The following PRKG1 variants were observed in gnomAD, a reference collection of about 807,000 sequenced individuals.
PRKG1 encodes the protein protein kinase cGMP-dependent 1, also known as cGMP-dependent protein kinase 1.
In PRKG1, 35 loss-of-function variants were observed where a neutral mutation model predicts 88.1. The ratio of observed to expected loss-of-function variants is 0.40; its 90% CI spans 0.30 to 0.53. The LOEUF (loss-of-function observed/expected upper bound fraction) is 0.53, where lower values mean the gene tolerates loss of function less well. Ranked by LOEUF, PRKG1 falls within the 20% of genes least tolerant of loss-of-function variation. The pLI, the probability that PRKG1 is intolerant of heterozygous loss-of-function variation, is 0.59. For missense variants in PRKG1, 540 were observed against 839.8 expected (o/e 0.64, Z 4.41); for synonymous variants, 303 against 292.5 (o/e 1.04, Z -0.37).
chr10:51,739,257 G>T (rs554179205), intron 3 of PRKG1, among the ~76,000 whole-genome samples: 7 of 152,066 alleles, frequency 4.6e-5, no homozygotes, highest in African/African-American at 1.7e-4. Flanking sequence ...TGGTAAATAG[G>T]CAGATAATGG....
intron 1 of PRKG1, among the ~76,000 whole-genome samples, chr10:51,080,337 C>G (rs1381533353): frequency 6.6e-6 from 1 of 152,208 alleles, no homozygotes; most frequent in African/African-American, 2.4e-5. Flanking sequence ...CATTTCCAAG[C>G]TCCTGCTACT....
intron 5 of PRKG1, among the ~76,000 whole-genome samples, chr10:51,963,759 A>T (rs1589461780): frequency 6.6e-6 from 1 of 152,136 alleles, no homozygotes; most frequent in East Asian, 1.9e-4. Flanking sequence ...ACTTATTTTT[A>T]AGTTTCCTTG....
At chr10:51,492,715 C>G (rs750091876) in intron 3 of PRKG1, among the ~76,000 whole-genome samples, 1 of 151,986 alleles carries the variant, frequency 6.6e-6, no homozygotes, top group East Asian at 1.9e-4. Context: ...TATCCTTAAA[C>G]GGTTAGCATA....
chr10:52,249,011 T>TCCCTCCCTCC (rs1564531929), intron 9 of PRKG1, among the ~76,000 whole-genome samples: 1 of 5,674 alleles, frequency 1.8e-4, no homozygotes, highest in Non-Finnish European at 4.6e-4. Flanking sequence ...TCCCCCCGCC[T>TCCCTCCCTCC]CCTTCCCTCC....
At chr10:51,763,339 C>G (rs1253872241) in intron 3 of PRKG1, among the ~76,000 whole-genome samples, 1 of 151,966 alleles carries the variant, frequency 6.6e-6, no homozygotes, top group African/African-American at 2.4e-5. Flanking sequence ...TGAAGTGATC[C>G]TCCCACCTCA....
chr10:51,663,588 A>C (rs934276398), intron 3 of PRKG1, among the ~76,000 whole-genome samples: 13 of 151,564 alleles, frequency 8.6e-5, no homozygotes, highest in African/African-American at 2.7e-4. Flanking sequence ...GTTGTGGCAC[A>C]TGCCTGTAGT....
intron 3 of PRKG1, among the ~76,000 whole-genome samples, chr10:51,570,151 T>C (rs1466144171): frequency 6.6e-6 from 1 of 150,660 alleles, no homozygotes; most frequent in Non-Finnish European, 1.5e-5. Context: ...TGTATATACA[T>C]ACAGTTGACC....
intron 3 of PRKG1, among the ~76,000 whole-genome samples, chr10:51,691,051 A>G (rs183711010): frequency 6.7e-6 from 1 of 150,356 alleles, no homozygotes; most frequent in African/African-American, 2.4e-5. Context: ...TTTTATAAAT[A>G]TATGTTTTCA....
chr10:51,699,480 G>A, intron 3 of PRKG1: 1 of 1,613,760 alleles, frequency 6.2e-7, no homozygotes, highest in Non-Finnish European at 8.5e-7. Context: ...GCCTCATATG[G>A]AATGTTCCCC....
At chr10:51,544,065 A>T (rs1842382809) in intron 3 of PRKG1, among the ~76,000 whole-genome samples, 2 of 152,010 alleles carry the variant, frequency 1.3e-5, no homozygotes, top group South Asian at 2.1e-4. Flanking sequence ...GGTTTTTTTT[A>T]AATTATACTT....
chr10:51,457,280 C>A (rs1408696464), intron 2 of PRKG1, among the ~76,000 whole-genome samples: 1 of 152,090 alleles, frequency 6.6e-6, no homozygotes, highest in Non-Finnish European at 1.5e-5. Context: ...TTAGCAGCAA[C>A]CTGGATGGAG....
intron 3 of PRKG1, among the ~76,000 whole-genome samples, chr10:51,501,490 ATGTG>A (rs1841021984): frequency 6.6e-6 from 1 of 152,072 alleles, no homozygotes; most frequent in Non-Finnish European, 1.5e-5. Context: ...TGTAGCTGGC[ATGTG>A]TCTTGTCTAA....
intron 1 of PRKG1, among the ~76,000 whole-genome samples, chr10:51,126,241 ATATTTATAATTATTTATATATT>A (rs200896693): frequency 0.77 from 87,724 of 114,330 alleles, 34,556 homozygotes; most frequent in South Asian, 0.87. Flanking sequence ...TTATAATTAT[ATATTTATAATTATTTATATATT>A]TATTTATAAT....
chr10:51,364,850 A>G (rs1238236774), intron 2 of PRKG1, among the ~76,000 whole-genome samples: 1 of 151,928 alleles, frequency 6.6e-6, no homozygotes, highest in Non-Finnish European at 1.5e-5. Context: ...AGTATTATCC[A>G]AGTTGATAAG....
intron 2 of PRKG1, among the ~76,000 whole-genome samples, chr10:51,387,212 G>C (rs1189690915): frequency 1.3e-5 from 2 of 151,820 alleles, no homozygotes; most frequent in Non-Finnish European, 2.9e-5. Flanking sequence ...CCATAAATGT[G>C]GGAACTGTGT....
At chr10:52,056,743 T>C (rs1846119841) in intron 6 of PRKG1, among the ~76,000 whole-genome samples, 1 of 152,118 alleles carries the variant, frequency 6.6e-6, no homozygotes, top group Non-Finnish European at 1.5e-5. Context: ...GTAAATTACA[T>C]AATAATTGTA....
intron 1 of PRKG1, among the ~76,000 whole-genome samples, chr10:51,079,077 T>C (rs142484380): frequency 2.0e-5 from 3 of 152,316 alleles, no homozygotes; most frequent in African/African-American, 7.2e-5. Context: ...ATAGATGGCA[T>C]AATATTAAAA....
chr10:51,037,033 A>G (rs1030157469), intron 1 of PRKG1, among the ~76,000 whole-genome samples: 2 of 152,222 alleles, frequency 1.3e-5, no homozygotes, highest in East Asian at 1.9e-4. Flanking sequence ...ATGTTTAGGT[A>G]TGTTTTGGAT....
At position 51,981,615 on chromosome 10, in the gene PRKG1, A is replaced by T. The variant is rs577417311; in HGVS notation, c.763-72869A>T. Among the ~76,000 whole-genome samples, 33 of 151,162 alleles carry T rather than the reference A, an allele frequency of 2.2e-4. No individual in the cohort carries two copies. In the East Asian group the frequency reaches 4.5e-3, roughly 20 times the overall value. ...AATAAATAAATAAATAGCAAAAAAT[A>T]AAAAAAAGAATATTTAATACTGGCC... is the stretch of plus-strand genomic sequence containing the variant. On this transcript the variant is annotated intron_variant, in intron 5 of 17. Coordinates refer to ENST00000373980, the MANE Select transcript of PRKG1 (RefSeq NM_006258.4).
Sources: gnomAD v4.1 joint callset for allele counts (sites outside exome capture counted in the v4.1 genomes callset) on GRCh38, gnomAD v4.1.1 for gene constraint, MANE v1.5 for transcripts, NCBI Gene and HGNC (gene_info 2026-07-23, HGNC 2026-07-21) for gene names.